MED13L: variants seen among roughly 807,000 people sequenced by gnomAD.
The protein encoded by MED13L is mediator of RNA polymerase II transcription subunit 13-like.
A neutral mutation model predicts 220.9 loss-of-function variants in MED13L; 7 were observed. The observed-to-expected ratio is 0.03, with a 90% CI of 0.02 to 0.06. The LOEUF is 0.06. MED13L is among the 10% of genes least tolerant of loss of function. The pLI is 1.00. For synonymous variants in MED13L, 1,011 were observed against 1,015.2 expected, an observed-to-expected ratio of 1.00 and a Z score of 0.08; for missense variants, 1,965 against 2,760.5, an observed-to-expected ratio of 0.71 and a Z score of 6.46.
intron 4 of MED13L, among the ~76,000 whole-genome samples, chr12:116,066,615 TC>T (rs1489281645): frequency 6.6e-6 from 1 of 152,162 alleles, no homozygotes; most frequent in Admixed American, 6.5e-5. Context: ...TGTTAAATTT[TC>T]CAAAGTATGA....
At chr12:116,015,578 G>A (rs953591529) in intron 7 of MED13L, among the ~76,000 whole-genome samples, 1 of 152,078 alleles carries the variant, frequency 6.6e-6, no homozygotes, top group African/African-American at 2.4e-5. Context: ...CACATGTATT[G>A]GAAACAACTT....
chr12:116,159,664 T>C (rs1878712804), intron 2 of MED13L, among the ~76,000 whole-genome samples: 1 of 152,216 alleles, frequency 6.6e-6, no homozygotes, highest in Non-Finnish European at 1.5e-5. Context: ...TTTGTCAAAA[T>C]GATTTAATAT....
chr12:116,008,236 A>T (rs1879173658), intron 10 of MED13L, 165 bp downstream of exon 10: 1 of 967,444 alleles, frequency 1.0e-6, no homozygotes, highest in African/African-American at 1.7e-5. Flanking sequence ...GCTAACCTAT[A>T]AGTAGGACAA....
In MED13L at chr12:115,987,173, G is replaced by A. The variant is rs757108011; in HGVS notation, c.4050C>T (p.Ile1350=). 1 of 1,614,130 alleles carries A rather than the reference G, an allele frequency of 6.2e-7. No homozygotes were observed. The highest frequency in any genetic ancestry group is 1.7e-5 in the Admixed American group (1 of 60,020). The change falls in exon 18 of 31, where the codon ATC becomes ATT. Residue 1350 remains isoleucine, a synonymous_variant. Transcript: ENST00000281928. ...KKRTGRTWEN[I]QHVQGPLTWQ... ...AAGTGAGTGGTCCCTGCACATGCTGGATGTTCTCCCAGGTCCTGCCCGTGC... is the reference window on the plus strand; with the variant it reads ...AAGTGAGTGGTCCCTGCACATGCTGAATGTTCTCCCAGGTCCTGCCCGTGC...
intron 1 of MED13L, among the ~76,000 whole-genome samples, chr12:116,275,895 A>G (rs566528268): frequency 6.6e-6 from 1 of 152,380 alleles, no homozygotes; most frequent in South Asian, 2.1e-4. Context: ...ATATTTAAAC[A>G]AATTCGTACT....
chr12:116,256,682 CTTTT>C (rs35608298), intron 1 of MED13L, among the ~76,000 whole-genome samples: 4 of 96,254 alleles, frequency 4.2e-5, no homozygotes, highest in East Asian at 6.2e-4. Flanking sequence ...AAACAAACTA[CTTTT>C]TTTTTTTTTT....
intron 2 of MED13L, chr12:116,181,383 C>A (rs780739060): frequency 6.6e-6 from 1 of 152,158 alleles, no homozygotes; most frequent in South Asian, 2.1e-4. Context: ...CACAGGACAT[C>A]GCCAAACCTA....
intron 25 of MED13L, among the ~76,000 whole-genome samples, chr12:115,973,767 GATTC>G (rs1367278432): frequency 6.6e-5 from 10 of 152,148 alleles, no homozygotes; most frequent in African/African-American, 1.9e-4. Flanking sequence ...CTTGATACAA[GATTC>G]ATTATGATAT....
chr12:116,097,393 G>A lies in MED13L; in HGVS notation c.396-641C>T, dbSNP rs548335625. ...ATTCCTGGCCTCAAGTGATCCACCC[G>A]CCTCAGCCTCCCAAAGTGCTGGGAT... On this transcript the variant is annotated intron_variant, in intron 3 of 30. Transcript: ENST00000281928. 5.9e-5 allele frequency among the ~76,000 whole-genome samples: 9 copies of A among 152,208 alleles called. No individual in the cohort carries two copies. The South Asian group carries it at 8.3e-4, about 14-fold the overall frequency.
chr12:115,982,653 G>T, intron 21 of MED13L, 50 bp from the exon 22 acceptor site: 1 of 1,480,880 alleles, frequency 6.8e-7, no homozygotes, highest in South Asian at 1.2e-5. Context: ...TAAATTACAC[G>T]AACATGAAAA....
In MED13L at chr12:115,966,070, C is replaced by T. The variant is rs1876137742; in HGVS notation, c.6387+12G>A. The T allele has an allele frequency of 1.2e-6, 2 of 1,613,944 alleles. No homozygotes were observed. Among genetic ancestry groups the T allele is most frequent in the Non-Finnish European group, 1.7e-6 (2 of 1,179,902 alleles). On this transcript the variant is annotated intron_variant, in intron 29 of 30. Transcript: ENST00000281928. The stretch of plus-strand genomic sequence containing the variant: ...CATTCCTTGCAAACTTCTAATATGA[C>T]ACCAAACCAACCTTTAAGAAGAGAG...
At chr12:116,029,602 G>C (rs909433684) in intron 4 of MED13L, among the ~76,000 whole-genome samples, 1 of 151,976 alleles carries the variant, frequency 6.6e-6, no homozygotes, top group African/African-American at 2.4e-5. Flanking sequence ...ACCTGGTACA[G>C]GAATAACAAC....
At chr12:116,184,342 G>C (rs1239076043) in intron 2 of MED13L, among the ~76,000 whole-genome samples, 1 of 152,074 alleles carries the variant, frequency 6.6e-6, no homozygotes, top group Non-Finnish European at 1.5e-5. Flanking sequence ...CCAAAATAAA[G>C]TTTTTTTAAG....
At chr12:116,141,293 C>CTA (rs1275655238) in intron 2 of MED13L, among the ~76,000 whole-genome samples, 1 of 152,084 alleles carries the variant, frequency 6.6e-6, no homozygotes, top group African/African-American at 2.4e-5. Context: ...AAATGAAGGG[C>CTA]TATAAACATT....
At chr12:116,043,521 T>G (rs767561931) in intron 4 of MED13L, among the ~76,000 whole-genome samples, 7 of 152,170 alleles carry the variant, frequency 4.6e-5, no homozygotes, top group Non-Finnish European at 1.0e-4. Flanking sequence ...AGAAATGCAT[T>G]ATCAGAGAAA....
At chr12:116,129,751 A>G (rs569821277) in intron 2 of MED13L, among the ~76,000 whole-genome samples, 6 of 152,270 alleles carry the variant, frequency 3.9e-5, no homozygotes, top group Non-Finnish European at 7.4e-5. Context: ...TCTACTAAAA[A>G]TACAAAAATT....
At chr12:116,108,654 AAGTCATC>A (rs1336734127) in intron 3 of MED13L, among the ~76,000 whole-genome samples, 1 of 152,206 alleles carries the variant, frequency 6.6e-6, no homozygotes, top group East Asian at 1.9e-4. Flanking sequence ...AAAGAATCTG[AAGTCATC>A]CATAGAAACT....
intron 1 of MED13L, among the ~76,000 whole-genome samples, chr12:116,261,777 C>T (rs2138559648): frequency 6.6e-6 from 1 of 152,278 alleles, no homozygotes; most frequent in East Asian, 1.9e-4. Flanking sequence ...TCATCTGATT[C>T]CTGTTCTATG....
chr12:116,047,518 C>T (rs1881912763), intron 4 of MED13L, among the ~76,000 whole-genome samples: 2 of 152,128 alleles, frequency 1.3e-5, no homozygotes, highest in Non-Finnish European at 2.9e-5. Flanking sequence ...TTCCAAGTGA[C>T]ATGTTCTTGA....
Sources: allele counts gnomAD v4.1 joint callset (sites outside exome capture counted in the v4.1 genomes callset), GRCh38; gene constraint gnomAD v4.1.1; transcripts MANE v1.5; gene names NCBI Gene and HGNC (gene_info 2026-07-23, HGNC 2026-07-21).